IKBKB-DT: variants seen among roughly 807,000 people sequenced by gnomAD.
IKBKB-DT encodes the protein IKBKB divergent transcript.
At chr8:42,241,385 T>G (rs1807002077) in intron 3 of IKBKB-DT, among the ~76,000 whole-genome samples, 1 of 152,008 alleles carries the variant, frequency 6.6e-6, no homozygotes. Context: ...AGGAAAAGGT[T>G]ATTGTCTGTG....
chr8:42,256,921 A>C (rs988521388), intron 3 of IKBKB-DT, among the ~76,000 whole-genome samples: 1 of 152,206 alleles, frequency 6.6e-6, no homozygotes, highest in African/African-American at 2.4e-5. Context: ...GAATGCATCA[A>C]AATAAAACAA....
chr8:42,242,471 T>C (rs1409733849), intron 3 of IKBKB-DT, among the ~76,000 whole-genome samples: 1 of 152,150 alleles, frequency 6.6e-6, no homozygotes, highest in African/African-American at 2.4e-5. Flanking sequence ...ATCAAGGAAG[T>C]AGGGTCTCTA....
Position 42,271,247 on chromosome 8 carries a change from G to C in IKBKB-DT, n.7C>G, listed in dbSNP as rs1460358684. ...GCAGCACTCGCAGCATCCGGACCTG[G>C]TCTGCCTCGCGCCGGGAGCGGCCTC... On this transcript the variant is annotated non_coding_transcript_exon_variant, in exon 1 of 4. Coordinates refer to ENST00000518213, the Ensembl canonical transcript of IKBKB-DT. 1.6e-5 allele frequency: 11 copies of C among 686,696 alleles called. No individual in the cohort carries two copies. In the Admixed American group the frequency reaches 1.8e-4, roughly 12 times the overall value. The allele number at this position is 686,696 out of a possible 1,614,324, so 42.5% of individuals were successfully genotyped here.
intron 3 of IKBKB-DT, among the ~76,000 whole-genome samples, chr8:42,253,586 T>C (rs1245244031): frequency 6.6e-6 from 1 of 152,166 alleles, no homozygotes; most frequent in Non-Finnish European, 1.5e-5. Flanking sequence ...AGTTTGCAGG[T>C]AAATAACAAA....
intron 3 of IKBKB-DT, among the ~76,000 whole-genome samples, chr8:42,245,114 G>T (rs896791348): frequency 6.6e-6 from 1 of 152,010 alleles, no homozygotes; most frequent in Non-Finnish European, 1.5e-5. Flanking sequence ...AATTAGCCAG[G>T]CGTGGTGGCA....
chr8:42,239,650 A>T (rs191075233), intron 3 of IKBKB-DT, among the ~76,000 whole-genome samples: 2,134 of 110,304 alleles, frequency 0.019, 115 homozygotes, highest in African/African-American at 0.075. Context: ...TTATTTATTC[A>T]TTTTTTTTTT....
At chr8:42,258,901 T>C (rs1807243407) in intron 3 of IKBKB-DT, among the ~76,000 whole-genome samples, 1 of 152,178 alleles carries the variant, frequency 6.6e-6, no homozygotes, top group Non-Finnish European at 1.5e-5. Context: ...AAATTTCTAG[T>C]TTTCACTAGA....
chr8:42,254,669 A>T (rs80194440), intron 3 of IKBKB-DT, among the ~76,000 whole-genome samples: 2 of 137,600 alleles, frequency 1.5e-5, no homozygotes, highest in Admixed American at 1.5e-4. Context: ...CTGTCTGGGA[A>T]GTGATGAGGG....
At chr8:42,240,451 T>C (rs1330301743) in intron 3 of IKBKB-DT, among the ~76,000 whole-genome samples, 4 of 147,080 alleles carry the variant, frequency 2.7e-5, no homozygotes, top group Non-Finnish European at 4.5e-5. Flanking sequence ...AGTGAAACCC[T>C]GTCTCTACTA....
intron 3 of IKBKB-DT, among the ~76,000 whole-genome samples, chr8:42,253,621 A>G (rs563600347): frequency 6.6e-6 from 1 of 152,372 alleles, no homozygotes; most frequent in East Asian, 1.9e-4. Context: ...GAACAGAACT[A>G]GAATCTAGTC....
chr8:42,269,481 AAAGGAAAG>A (rs1440445617), intron 1 of IKBKB-DT, among the ~76,000 whole-genome samples: 3 of 51,090 alleles, frequency 5.9e-5, no homozygotes, highest in Admixed American at 4.8e-4. Context: ...GAGGAAAAGG[AAAGGAAAG>A]AAGGAAAGAA....
chr8:42,254,411 T>TG (rs1342875655), intron 3 of IKBKB-DT, among the ~76,000 whole-genome samples: 2 of 152,168 alleles, frequency 1.3e-5, no homozygotes, highest in African/African-American at 4.8e-5. Context: ...GGAGCGCCTC[T>TG]GCCCAGCCAC....
At chr8:42,260,879 G>A (rs1379622834) in intron 3 of IKBKB-DT, among the ~76,000 whole-genome samples, 1 of 151,972 alleles carries the variant, frequency 6.6e-6, no homozygotes, top group South Asian at 2.1e-4. Context: ...TTATGGCTTT[G>A]CCACAGAAAT....
chr8:42,250,272 C>T (rs1005939562), intron 3 of IKBKB-DT, among the ~76,000 whole-genome samples: 2 of 151,694 alleles, frequency 1.3e-5, no homozygotes, highest in African/African-American at 2.4e-5. Flanking sequence ...GGTGGGGCCA[C>T]GGGAGTAGTT....
rs113849560 is a variant in IKBKB-DT, at chr8:42,262,292, A to AT, written n.1529+1036_1529+1037insA. Among the ~76,000 whole-genome samples the AT allele has an allele frequency of 2.9e-3, 436 of 151,322 alleles. 4 individuals are homozygous for AT. Among genetic ancestry groups the AT allele is most frequent in the Middle Eastern group, 0.024 (7 of 294 alleles). ...AAACTTAAAGTATAATAATAAAAAAAAAATAAATAAAAGATGACCACTTTA... is the reference window on the plus strand; with the variant it reads ...AAACTTAAAGTATAATAATAAAAAAATAAATAAATAAAAGATGACCACTTTA... On this transcript the variant is annotated intron_variant and non_coding_transcript_variant, in intron 3 of 3. Transcript: ENST00000518213.
intron 3 of IKBKB-DT, among the ~76,000 whole-genome samples, chr8:42,262,317 A>AT (rs1807300607): frequency 6.6e-6 from 1 of 151,550 alleles, no homozygotes; most frequent in Non-Finnish European, 1.5e-5. Flanking sequence ...TGACCACTTT[A>AT]TTTAAAAAAA....
At chr8:42,257,685 G>A (rs185336214) in intron 3 of IKBKB-DT, among the ~76,000 whole-genome samples, 2,333 of 152,130 alleles carry the variant, frequency 0.015, 26 homozygotes, top group Middle Eastern at 0.024. Flanking sequence ...TATAATCCCA[G>A]CACTTTGGGA....
chr8:42,241,897 A>T (rs1807009205), intron 3 of IKBKB-DT, among the ~76,000 whole-genome samples: 1 of 152,182 alleles, frequency 6.6e-6, no homozygotes, highest in South Asian at 2.1e-4. Context: ...AGGTCAGTTA[A>T]TATGAAAAAG....
At chr8:42,242,354 G>A (rs1035644262) in intron 3 of IKBKB-DT, among the ~76,000 whole-genome samples, 11 of 152,142 alleles carry the variant, frequency 7.2e-5, no homozygotes, top group South Asian at 4.1e-4. Context: ...AACTAATATC[G>A]TGGGGTTTAG....
Sources: allele counts gnomAD v4.1 joint callset (sites outside exome capture counted in the v4.1 genomes callset), GRCh38; gene constraint gnomAD v4.1.1; transcripts MANE v1.5; gene names NCBI Gene and HGNC (gene_info 2026-07-23, HGNC 2026-07-21).